CAST: variants seen among roughly 807,000 people sequenced by gnomAD.
CAST encodes the protein calpastatin, also known as MIR583 host.
A neutral mutation model predicts 119.6 loss-of-function variants in CAST; 76 were observed. The ratio of observed to expected loss-of-function variants is 0.64; its 90% CI spans 0.53 to 0.77. The LOEUF is 0.77. Among genes scored for constraint, CAST ranks in the 30% least tolerant of loss-of-function variants. The pLI is 0.00. For synonymous variants in CAST, 319 were observed against 331.6 expected (o/e 0.96, Z 0.41); for missense variants, 953 against 946.5 (o/e 1.01, Z -0.09).
At chr5:96,133,308 C>A in the CAST span, among the ~76,000 whole-genome samples, 1 of 150,982 alleles carries the variant, frequency 6.6e-6, no homozygotes, top group Non-Finnish European at 1.5e-5. Context: ...AAAAAAAACA[C>A]ACACACACAT....
chr5:96,455,975 C>T, the CAST span, among the ~76,000 whole-genome samples: 4 of 152,126 alleles, frequency 2.6e-5, no homozygotes, highest in African/African-American at 9.7e-5. Context: ...GCTGAAACAG[C>T]AGACAACAAA....
chr5:96,475,457 G>A, the CAST span, among the ~76,000 whole-genome samples: 1 of 152,152 alleles, frequency 6.6e-6, no homozygotes, highest in Non-Finnish European at 1.5e-5. Context: ...TGCACCAAAC[G>A]ATGAGAAAGA....
the CAST span, among the ~76,000 whole-genome samples, chr5:96,141,688 A>G: frequency 1.3e-5 from 2 of 152,164 alleles, no homozygotes; most frequent in Admixed American, 6.5e-5. Flanking sequence ...CAAAGCTGCT[A>G]TTGTTGATTT....
chr5:96,008,143 A>G, the CAST span, among the ~76,000 whole-genome samples: 2 of 152,158 alleles, frequency 1.3e-5, no homozygotes, highest in Non-Finnish European at 2.9e-5. Context: ...CACCCAGTCT[A>G]TGGTATTTTG....
intron 1 of CAST, among the ~76,000 whole-genome samples, chr5:96,593,914 G>A (rs561090923): frequency 6.6e-6 from 1 of 152,314 alleles, no homozygotes; most frequent in East Asian, 1.9e-4. Flanking sequence ...ACTGTCTATG[G>A]CATTTTATTA....
intron 9 of CAST, among the ~76,000 whole-genome samples, chr5:96,734,641 C>G (rs901426200): frequency 2.0e-5 from 3 of 152,052 alleles, no homozygotes; most frequent in African/African-American, 7.2e-5. Flanking sequence ...AAAGGAGGCC[C>G]CTAAGGTGCT....
chr5:96,622,187 C>G (rs1200704320), intron 1 of CAST, among the ~76,000 whole-genome samples: 1 of 151,944 alleles, frequency 6.6e-6, no homozygotes, highest in Admixed American at 6.5e-5. Context: ...CCAGGACGGT[C>G]TCTATCTCCT....
chr5:96,441,175 T>C, the CAST span, among the ~76,000 whole-genome samples: 2 of 152,182 alleles, frequency 1.3e-5, no homozygotes, highest in African/African-American at 4.8e-5. Flanking sequence ...AGTTACATAA[T>C]AGTTTCTTAC....
the CAST span, among the ~76,000 whole-genome samples, chr5:96,516,956 C>A: frequency 7.9e-5 from 12 of 152,158 alleles, no homozygotes; most frequent in Admixed American, 3.3e-4. Context: ...GAGGTATCAG[C>A]CGACTGTTTC....
At chr5:96,294,520 G>A in the CAST span, among the ~76,000 whole-genome samples, 1,171 of 152,318 alleles carry the variant, frequency 7.7e-3, 8 homozygotes, top group Middle Eastern at 0.014. Context: ...TGTCTACACA[G>A]AAGAAACACA....
At chr5:96,366,104 T>A in the CAST span, among the ~76,000 whole-genome samples, 1 of 152,246 alleles carries the variant, frequency 6.6e-6, no homozygotes, top group Non-Finnish European at 1.5e-5. Flanking sequence ...TTTGGCTGGA[T>A]ATGAAATTCT....
the CAST span, among the ~76,000 whole-genome samples, chr5:96,038,905 T>C: frequency 6.6e-6 from 1 of 152,284 alleles, no homozygotes; most frequent in East Asian, 1.9e-4. Flanking sequence ...GATTGCTGGG[T>C]CAAATGGTAT....
chr5:96,412,523 G>A, the CAST span: 9 of 1,582,908 alleles, frequency 5.7e-6, no homozygotes, highest in African/African-American at 9.4e-5. Context: ...ACACACAAAG[G>A]TTGATGTCAG....
At chr5:96,766,837 T>C (rs1770166639) in intron 27 of CAST, among the ~76,000 whole-genome samples, 1 of 151,620 alleles carries the variant, frequency 6.6e-6, no homozygotes, top group South Asian at 2.1e-4. Context: ...CTTCTCTTTC[T>C]GTACTGATTC....
the CAST span, among the ~76,000 whole-genome samples, chr5:95,987,209 G>A: frequency 6.6e-6 from 1 of 152,114 alleles, no homozygotes; most frequent in Non-Finnish European, 1.5e-5. Context: ...CACCAGCTCT[G>A]TGACCTCACC....
Position 96,687,185 on chromosome 5 carries a change from G to A in CAST, c.139-8651G>A, listed in dbSNP as rs549850263. Among the ~76,000 whole-genome samples, 173 of 152,286 alleles carry A rather than the reference G, an allele frequency of 1.1e-3. 2 individuals are homozygous for A. The South Asian group carries it at 0.034, about 30-fold the overall frequency. On this transcript the variant is annotated intron_variant, in intron 2 of 31. Transcript: ENST00000675179. ...AGCGGGTGATCAGATCTCACCTGGC[G>A]GATGGTGGAGGATGAGGGGACTTGA...
intron 1 of CAST, among the ~76,000 whole-genome samples, chr5:96,542,240 G>A (rs1289280263): frequency 2.0e-5 from 3 of 151,224 alleles, no homozygotes; most frequent in Non-Finnish European, 4.4e-5. Context: ...AACCCCGGGG[G>A]GCGGAGCCTG....
intron 13 of CAST, 56 bp downstream of exon 13, chr5:96,740,839 G>A (rs1032266756): frequency 3.6e-6 from 4 of 1,110,132 alleles, no homozygotes; most frequent in Non-Finnish European, 5.5e-6. Context: ...TTTTTGGCTG[G>A]GGGAACAGGG....
intron 1 of CAST, among the ~76,000 whole-genome samples, chr5:96,535,684 C>G (rs927664116): frequency 5.3e-5 from 8 of 149,644 alleles, no homozygotes; most frequent in Non-Finnish European, 8.8e-5. Flanking sequence ...CGCCATTCTC[C>G]TGCCTCAGCC....
Sources: allele counts gnomAD v4.1 joint callset (sites outside exome capture counted in the v4.1 genomes callset), GRCh38; gene constraint gnomAD v4.1.1; transcripts MANE v1.5; gene names NCBI Gene and HGNC (gene_info 2026-07-23, HGNC 2026-07-21).